KAT6A: variants seen among roughly 807,000 people sequenced by gnomAD.
The protein encoded by KAT6A is lysine acetyltransferase 6A.
Under a neutral mutation model 198.4 loss-of-function variants are expected in KAT6A, and 9 were observed. That is an observed-to-expected ratio of 0.05 (90% CI 0.03 to 0.08). KAT6A has a LOEUF of 0.08. Ranked by LOEUF, KAT6A falls within the 10% of genes least tolerant of loss-of-function variation. KAT6A has a pLI of 1.00. For synonymous variants in KAT6A, 890 were observed against 883.0 expected (o/e 1.01, Z -0.14); for missense variants, 2,077 against 2,509.9 (o/e 0.83, Z 3.69).
intron 8 of KAT6A, among the ~76,000 whole-genome samples, chr8:41,962,410 C>T (rs1823245217): frequency 6.6e-6 from 1 of 152,110 alleles, no homozygotes; most frequent in Admixed American, 6.5e-5. Context: ...TAGATGGCAA[C>T]TCCGTCTTCC....
Position 41,934,721 on chromosome 8 carries a change from G to A in KAT6A, c.3499C>T (p.Pro1167Ser). Residue 1167 changes from proline (P) to serine (S), a missense_variant, in exon 17 of 17, where the codon CCT becomes TCT. Pro to Ser is a moderately conservative substitution (Grantham distance 74). Around this residue, in one of 13 missense-constraint regions of KAT6A, gnomAD observed 375 missense variants for 383.0 expected, o/e 0.98. Transcript: ENST00000265713. Reference sequence around the variant, plus strand: ...AACTTAAATCCTGGTTTTCGACCAGGTCTTTTCTTCCAGTGGATTGGTTTG... The same window carrying A: ...AACTTAAATCCTGGTTTTCGACCAGATCTTTTCTTCCAGTGGATTGGTTTG... ...SRKPIHWKKR[P>S]GRKPGFKLSR... The A allele has an allele frequency of 6.2e-7, 1 of 1,614,172 alleles. No individual in the cohort carries two copies. Among genetic ancestry groups the A allele is most frequent in the Non-Finnish European group, 8.5e-7 (1 of 1,180,020 alleles).
At chr8:42,000,587 T>C (rs1429501940) in intron 2 of KAT6A, among the ~76,000 whole-genome samples, 1 of 151,956 alleles carries the variant, frequency 6.6e-6, no homozygotes, top group African/African-American at 2.4e-5. Context: ...AAAAAAGTGA[T>C]GTTTTAGAAG....
chr8:41,965,189 G>C (rs1422041639), intron 8 of KAT6A, among the ~76,000 whole-genome samples: 1 of 152,174 alleles, frequency 6.6e-6, no homozygotes, highest in Non-Finnish European at 1.5e-5. Flanking sequence ...GTGCTTCTGA[G>C]GTGACAGATT....
intron 2 of KAT6A, among the ~76,000 whole-genome samples, chr8:42,015,982 AG>A (rs2150911665): frequency 6.6e-6 from 1 of 152,346 alleles, no homozygotes; most frequent in East Asian, 1.9e-4. Flanking sequence ...AATGCAGATG[AG>A]GCAAAGACTC....
chr8:41,970,350 A>T (rs1045661201), intron 8 of KAT6A, among the ~76,000 whole-genome samples: 1 of 152,196 alleles, frequency 6.6e-6, no homozygotes, highest in African/African-American at 2.4e-5. Context: ...CAAATGCTGG[A>T]AAGAAACATA....
At position 42,027,059 on chromosome 8, in the gene KAT6A, A is replaced by G. The variant is rs144687174; in HGVS notation, c.600+21319T>C. ...GTCCACTCTATTGATGCAATGTATC[A>G]CATTTATTGATTTGCATAGGTTGAA... On this transcript the variant is annotated intron_variant, in intron 2 of 16. Transcript: ENST00000265713. Among the ~76,000 whole-genome samples the G allele has an allele frequency of 5.4e-3, 818 of 152,276 alleles. 8 individuals carry two copies. The highest frequency in any genetic ancestry group is 0.01 in the Middle Eastern group (3 of 294).
chr8:41,946,499 C>T (rs937604053), intron 12 of KAT6A, 92 bp downstream of exon 12: 34 of 322,456 alleles, frequency 1.1e-4, no homozygotes, highest in Admixed American at 2.9e-4. Context: ...TATATACACA[C>T]ACACACACAC....
intron 2 of KAT6A, among the ~76,000 whole-genome samples, chr8:42,037,901 T>C (rs1417033944): frequency 6.6e-6 from 1 of 152,114 alleles, no homozygotes; most frequent in Non-Finnish European, 1.5e-5. Context: ...TAAAGACCAA[T>C]AAAGACAAAA....
chr8:41,997,185 A>G (rs1157389336), intron 2 of KAT6A, among the ~76,000 whole-genome samples: 1 of 152,226 alleles, frequency 6.6e-6, no homozygotes, highest in African/African-American at 2.4e-5. Context: ...AAATTTTTAT[A>G]TAAATTTTAC....
chr8:41,987,580 A>T lies in KAT6A; in HGVS notation c.601-17T>A, dbSNP rs1374233246. The T allele has an allele frequency of 7.1e-7, 1 of 1,407,990 alleles. No homozygotes were observed. The highest frequency in any genetic ancestry group is 1.4e-5 in the African/African-American group (1 of 70,624). The allele number at this position is 1,407,990 out of a possible 1,614,324, so 87.2% of individuals were successfully genotyped here. A position where few individuals can be genotyped will look rare whatever the true frequency, so the allele number is the denominator to read the frequency against. On this transcript the variant is annotated splice_polypyrimidine_tract_variant and intron_variant, in intron 2 of 16. Transcript: ENST00000265713. ...AGCAACCGGCTGTGAAGAAAAACACAATTCATTCCAGTACTAATACTTTTA... is the reference window on the plus strand; with the variant it reads ...AGCAACCGGCTGTGAAGAAAAACACTATTCATTCCAGTACTAATACTTTTA...
intron 2 of KAT6A, among the ~76,000 whole-genome samples, chr8:42,015,161 A>G (rs1279722216): frequency 6.6e-6 from 1 of 152,162 alleles, no homozygotes; most frequent in Non-Finnish European, 1.5e-5. Context: ...AAACTTCTCA[A>G]AGCTCACAAG....
At chr8:42,023,768 T>C (rs1208431242) in intron 2 of KAT6A, among the ~76,000 whole-genome samples, 2 of 151,230 alleles carry the variant, frequency 1.3e-5, no homozygotes, top group Non-Finnish European at 2.9e-5. Flanking sequence ...ACTACAGGTG[T>C]GAGCCACCAC....
intron 2 of KAT6A, among the ~76,000 whole-genome samples, chr8:41,996,416 A>G (rs187665634): frequency 2.6e-5 from 4 of 152,378 alleles, no homozygotes; most frequent in East Asian, 3.9e-4. Flanking sequence ...AATACTCCCT[A>G]TAACACTCAA....
At chr8:41,998,358 A>G (rs886192899) in intron 2 of KAT6A, among the ~76,000 whole-genome samples, 1 of 152,170 alleles carries the variant, frequency 6.6e-6, no homozygotes, top group African/African-American at 2.4e-5. Flanking sequence ...CCTTTGTTGG[A>G]AAGTGTTCAT....
At chr8:42,024,297 G>T (rs1826687754) in intron 2 of KAT6A, among the ~76,000 whole-genome samples, 1 of 152,118 alleles carries the variant, frequency 6.6e-6, no homozygotes, top group African/African-American at 2.4e-5. Context: ...TGTAGAAACT[G>T]TTCAGCGCCA....
intron 2 of KAT6A, among the ~76,000 whole-genome samples, chr8:42,012,148 G>C (rs796973033): frequency 8.5e-5 from 13 of 152,222 alleles, no homozygotes; most frequent in African/African-American, 3.1e-4. Context: ...ATACATAGCT[G>C]GTAAGCATGC....
Position 42,024,632 on chromosome 8 carries a change from A to ACCT in KAT6A, c.600+23743_600+23745dup, listed in dbSNP as rs531791606. Among the ~76,000 whole-genome samples the ACCT allele has an allele frequency of 3.0e-4, 45 of 151,760 alleles. No homozygotes were observed. The South Asian group carries it at 6.2e-3, about 21-fold the overall frequency. ...TTTGGTAACTATCATTCTATTCTCT[A>ACCT]CCTCCATGAGTCAACTGTTTTTACT... On this transcript the variant is annotated intron_variant, in intron 2 of 16. Transcript: ENST00000265713.
intron 9 of KAT6A, among the ~76,000 whole-genome samples, chr8:41,952,487 T>C (rs1271658011): frequency 6.6e-6 from 1 of 152,206 alleles, no homozygotes; most frequent in East Asian, 1.9e-4. Context: ...GTATTATTGC[T>C]TCATTGTTTT....
Position 41,980,067 on chromosome 8 carries a change from G to A in KAT6A, c.907+779C>T, listed in dbSNP as rs564152394. Among the ~76,000 whole-genome samples, 43 of 152,222 alleles carry A rather than the reference G, an allele frequency of 2.8e-4. 1 individual carries two copies. The South Asian group carries it at 6.0e-3, about 21-fold the overall frequency. ...CGGTTAAGTCATTTTCTATCAACAG[G>A]AAATTTTTTTCCAAACAAATATTAT... On this transcript the variant is annotated intron_variant, in intron 5 of 16. Coordinates refer to ENST00000265713, the MANE Select transcript of KAT6A (RefSeq NM_006766.5).
Sources: allele counts gnomAD v4.1 joint callset (sites outside exome capture counted in the v4.1 genomes callset), GRCh38; gene constraint gnomAD v4.1.1; regional missense constraint gnomAD v4.1.1; transcripts MANE v1.5; gene names NCBI Gene and HGNC (gene_info 2026-07-23, HGNC 2026-07-21).